The following EPHA10 variants were observed in gnomAD, a reference collection of about 807,000 sequenced individuals.
EPHA10 encodes the protein EPH receptor A10.
Under a neutral mutation model 109.7 loss-of-function variants are expected in EPHA10, and 120 were observed. That is an observed-to-expected ratio of 1.09 (90% CI 0.94 to 1.27). EPHA10 has a LOEUF of 1.27. Ranked by LOEUF, EPHA10 falls within the 50% of genes most tolerant of loss-of-function variation. The probability of loss-of-function intolerance (pLI) is 0.00; values close to 1 mark genes in which losing one functional copy is unlikely to be tolerated. For missense variants in EPHA10, 1,396 were observed against 1,411.1 expected (o/e 0.99, Z 0.17); for synonymous variants, 640 against 618.9 (o/e 1.03, Z -0.51).
At chr1:37,726,519 A>G (rs555039784) in intron 8 of EPHA10, among the ~76,000 whole-genome samples, 72 of 152,344 alleles carry the variant, frequency 4.7e-4, no homozygotes, top group Non-Finnish European at 6.0e-4. Flanking sequence ...GGGAGGATAC[A>G]TGGCAGAAGG....
Position 37,718,477 on chromosome 1 carries a change from C to T in EPHA10, c.2922G>A (p.Val974=), listed in dbSNP as rs1481027983. The stretch of plus-strand genomic sequence containing the variant: ...GTTCAGCCAAAGAGATGCCTAGGCT[C>T]ACCAGGTCCCTGAAACAAAGGCTGG... ...AVAEMTAQDL[V]SLGISLAEHR... Residue 974 remains valine, a synonymous_variant, in exon 17 of 17, where the codon GTG becomes GTA. Transcript: ENST00000373048. 1 of 1,613,446 alleles carries T rather than the reference C, an allele frequency of 6.2e-7. No homozygotes were observed. The highest frequency in any genetic ancestry group is 1.7e-5 in the Admixed American group (1 of 60,022).
intron 5 of EPHA10, among the ~76,000 whole-genome samples, chr1:37,742,327 G>A (rs1411676332): frequency 2.0e-5 from 3 of 152,162 alleles, no homozygotes; most frequent in Non-Finnish European, 4.4e-5. Flanking sequence ...GTAACTTCTG[G>A]CTGTTCTAAG....
intron 7 of EPHA10, among the ~76,000 whole-genome samples, chr1:37,729,296 G>C (rs184505932): frequency 6.6e-6 from 1 of 152,314 alleles, no homozygotes; most frequent in East Asian, 1.9e-4. Context: ...CTAGCTGAGA[G>C]GCACCTATAT....
At position 37,738,935 on chromosome 1, in the gene EPHA10, G is replaced by A. The variant is rs181681658; in HGVS notation, c.1358-3545C>T. ...CAAACACCGCATGTTCTCACTCATA[G>A]GTGGGAGTTTTACAATGAGATCACT... On this transcript the variant is annotated intron_variant, in intron 5 of 16. Transcript: ENST00000373048. Among the ~76,000 whole-genome samples the A allele has an allele frequency of 6.0e-3, 916 of 152,274 alleles. 11 individuals are homozygous for A. The highest frequency in any genetic ancestry group is 0.021 in the African/African-American group (860 of 41,554).
chr1:37,762,888 A>T, intron 1 of EPHA10, 39 bp from the exon 2 acceptor site: 2 of 1,530,300 alleles, frequency 1.3e-6, no homozygotes, highest in South Asian at 2.4e-5. Flanking sequence ...GAAATCGAGA[A>T]GGTCAGTTTA....
chr1:37,747,732 C>T (rs1176842362), intron 5 of EPHA10, among the ~76,000 whole-genome samples: 1 of 151,882 alleles, frequency 6.6e-6, no homozygotes, highest in Non-Finnish European at 1.5e-5. Flanking sequence ...GGTGCCACTG[C>T]ACTCCAGCCT....
chr1:37,715,164 G>C (rs1203091083), downstream of EPHA10: 2 of 152,144 alleles, frequency 1.3e-5, no homozygotes, highest in Admixed American at 6.6e-5. Context: ...TGAGTAGCTG[G>C]GATTACAGGC....
At chr1:37,749,928 CTAAG>C (rs1337164743) in intron 5 of EPHA10, among the ~76,000 whole-genome samples, 11 of 152,268 alleles carry the variant, frequency 7.2e-5, no homozygotes, top group Admixed American at 4.6e-4. Context: ...ACAGAAAGTA[CTAAG>C]TGACAGGAGT....
intron 14 of EPHA10, 41 bp downstream of exon 14, chr1:37,719,868 G>T (rs1022138183): frequency 1.2e-6 from 2 of 1,613,590 alleles, no homozygotes; most frequent in Non-Finnish European, 1.7e-6. Flanking sequence ...CCTGAGCTGA[G>T]AGGGTCAGAA....
chr1:37,719,145 G>A (rs1318021377), intron 15 of EPHA10: 6 of 595,286 alleles, frequency 1.0e-5, no homozygotes, highest in South Asian at 8.2e-5. Context: ...AACTACAAAT[G>A]TGTTAGGGCT....
At chr1:37,762,636 A>G (rs1324612238) in intron 2 of EPHA10, 149 bp downstream of exon 2, 9 of 511,056 alleles carry the variant, frequency 1.8e-5, no homozygotes, top group Middle Eastern at 5.5e-4. Flanking sequence ...AATGTTTTCT[A>G]ACAGGCCACT....
At chr1:37,720,136 C>A in intron 13 of EPHA10, 78 bp from the exon 14 acceptor site, 1 of 1,560,914 alleles carries the variant, frequency 6.4e-7, no homozygotes, top group Non-Finnish European at 8.7e-7. Context: ...GCCCCAGATC[C>A]AGCCTGCATG....
At position 37,762,820 on chromosome 1, in the gene EPHA10, C is replaced by T. The variant is rs766388173; in HGVS notation, c.136G>A (p.Ala46Thr). Reference sequence around the variant, plus strand: ...GGCAGTGCAGTCCAGCCCAGCTCGGCCTGGGAGGCTTTGGAATCCAGGAGG... The same window carrying T: ...GGCAGTGCAGTCCAGCCCAGCTCGGTCTGGGAGGCTTTGGAATCCAGGAGG... Reference protein sequence around the residue: ...VILLDSKASQAELGWTALPSN... With the variant: ...VILLDSKASQTELGWTALPSN... Residue 46 changes from alanine (A) to threonine (T), a missense_variant, in exon 2 of 17, where the codon GCC becomes ACC. By Grantham distance (58) the Ala-to-Thr change is moderately conservative. Coordinates refer to ENST00000373048, the MANE Select transcript of EPHA10 (RefSeq NM_001099439.2). 1 of 1,553,712 alleles carries T rather than the reference C, an allele frequency of 6.4e-7. No homozygotes were observed. The highest frequency in any genetic ancestry group is 1.4e-5 in the African/African-American group (1 of 73,312).
Position 37,754,202 on chromosome 1 carries a change from AG to A in EPHA10, c.1006+12del. The stretch of plus-strand genomic sequence containing the variant: ...CCCCACCCTCCGCAGTGCAGCCTGG[AG>A]GGGGGACTCACGGGTGCAGGAAGCC... On this transcript the variant is annotated intron_variant, in intron 4 of 16. Coordinates refer to ENST00000373048, the MANE Select transcript of EPHA10 (RefSeq NM_001099439.2). This position sits in a 1 kb window ranked among gnomAD's most constrained non-coding sequence, Gnocchi z 4.5. 7.8e-7 allele frequency: 1 copy of A among 1,282,658 alleles called. No homozygotes were observed. Among genetic ancestry groups the A allele is most frequent in the Non-Finnish European group, 9.9e-7 (1 of 1,007,696 alleles). 79.5% of individuals were successfully genotyped at this position (1,282,658 alleles called of 1,614,324 possible). A position where few individuals can be genotyped will look rare whatever the true frequency, so the allele number is the denominator to read the frequency against.
chr1:37,761,341 A>C, intron 3 of EPHA10, 64 bp downstream of exon 3: 1 of 1,525,108 alleles, frequency 6.6e-7, no homozygotes, highest in Non-Finnish European at 8.7e-7. Flanking sequence ...TCTAGGGCAC[A>C]CTCTCTCTCA....
At position 37,719,836 on chromosome 1, in the gene EPHA10, G is replaced by T. The variant is rs1645758433; in HGVS notation, c.2562+73C>A. The T allele has an allele frequency of 1.9e-6, 3 of 1,609,808 alleles. No homozygotes were observed. In the African/African-American group the frequency reaches 4.0e-5, roughly 21 times the overall value. On this transcript the variant is annotated intron_variant, in intron 14 of 16. Transcript: ENST00000373048. ...GAGGCAGGAAGATTGAGGGCCAACG[G>T]GCAGAGGTCAGGAAGCTGGGGCCTG... is the stretch of plus-strand genomic sequence containing the variant.
At chr1:37,760,758 C>CT (rs1353960556) in intron 3 of EPHA10, 1 of 195,088 alleles carries the variant, frequency 5.1e-6, no homozygotes, top group African/African-American at 2.3e-5. Context: ...CTCTGAGGCT[C>CT]TGTTTCTTCA....
intron 5 of EPHA10, among the ~76,000 whole-genome samples, chr1:37,747,192 A>G (rs1296617889): frequency 2.0e-5 from 3 of 152,252 alleles, no homozygotes; most frequent in Non-Finnish European, 4.4e-5. Context: ...AGCTATATTC[A>G]GAGGAAAACT....
chr1:37,745,186 C>A (rs1646211787), intron 5 of EPHA10, among the ~76,000 whole-genome samples: 1 of 152,078 alleles, frequency 6.6e-6, no homozygotes, highest in Non-Finnish European at 1.5e-5. Context: ...TTAGAGCAAC[C>A]CTGGGAAATG....
Sources: allele counts gnomAD v4.1 joint callset (sites outside exome capture counted in the v4.1 genomes callset), GRCh38; gene constraint gnomAD v4.1.1; non-coding constraint Gnocchi (gnomAD v3.1); transcripts MANE v1.5; gene names NCBI Gene and HGNC (gene_info 2026-07-23, HGNC 2026-07-21).